Variants in SLC4A10 observed in about 807,000 individuals in gnomAD.
SLC4A10 encodes the protein solute carrier family 4 member 10, also known as sodium-driven chloride bicarbonate exchanger.
SLC4A10 carries 42 observed loss-of-function variants against 137.7 expected under a neutral mutation model. The observed-to-expected ratio is 0.30, with a 90% CI of 0.24 to 0.39. SLC4A10 has a LOEUF of 0.39. SLC4A10 is among the 10% of genes least tolerant of loss of function. The probability of loss-of-function intolerance (pLI) is 1.00; values close to 1 mark genes in which losing one functional copy is unlikely to be tolerated. For synonymous variants in SLC4A10, 474 were observed against 464.1 expected, an observed-to-expected ratio of 1.02 and a Z score of -0.27; for missense variants, 925 against 1,355.0, an observed-to-expected ratio of 0.68 and a Z score of 4.98.
intron 4 of SLC4A10, 28 bp from the exon 5 acceptor site, chr2:161,854,942 A>G (rs771055569): frequency 6.3e-7 from 1 of 1,596,050 alleles, no homozygotes; most frequent in Non-Finnish European, 8.5e-7. Context: ...TATAATATAA[A>G]CTGTGCTGAT....
intron 15 of SLC4A10, among the ~76,000 whole-genome samples, chr2:161,916,036 A>G (rs1223212631): frequency 6.6e-6 from 1 of 152,188 alleles, no homozygotes; most frequent in African/African-American, 2.4e-5. Context: ...GCCATCTGTA[A>G]GCTAAGAAGA....
chr2:161,820,339 G>A (rs989990671), intron 3 of SLC4A10, among the ~76,000 whole-genome samples: 5 of 152,120 alleles, frequency 3.3e-5, no homozygotes, highest in Non-Finnish European at 5.9e-5. Context: ...TATAAGACAA[G>A]CATTCACAAG....
At chr2:161,781,738 C>T (rs2053040529) in intron 2 of SLC4A10, among the ~76,000 whole-genome samples, 1 of 152,026 alleles carries the variant, frequency 6.6e-6, no homozygotes, top group East Asian at 1.9e-4. Context: ...ACCACAAACA[C>T]ACCAATTCAG....
intron 2 of SLC4A10, among the ~76,000 whole-genome samples, chr2:161,773,591 T>G (rs2051934591): frequency 6.6e-6 from 1 of 151,884 alleles, no homozygotes; most frequent in Non-Finnish European, 1.5e-5. Flanking sequence ...ATATATTTAT[T>G]TAATGAAATT....
intron 15 of SLC4A10, among the ~76,000 whole-genome samples, chr2:161,915,218 G>T (rs534294839): frequency 1.3e-5 from 2 of 152,208 alleles, no homozygotes; most frequent in South Asian, 4.2e-4. Context: ...CAGAGAAGCA[G>T]CTTGACTTCA....
intron 4 of SLC4A10, among the ~76,000 whole-genome samples, chr2:161,851,403 G>A (rs1166814969): frequency 6.6e-6 from 1 of 152,090 alleles, no homozygotes; most frequent in South Asian, 2.1e-4. Flanking sequence ...CCAGTATTGG[G>A]TGCATATATA....
chr2:161,663,915 C>T (rs568937849), intron 1 of SLC4A10, among the ~76,000 whole-genome samples: 5 of 151,994 alleles, frequency 3.3e-5, no homozygotes, highest in African/African-American at 1.2e-4. Flanking sequence ...TTCATAACTG[C>T]ATACATTTTT....
chr2:161,873,839 T>C (rs1203278583), intron 7 of SLC4A10, 77 bp from the exon 8 acceptor site: 1 of 1,407,756 alleles, frequency 7.1e-7, no homozygotes, highest in Non-Finnish European at 9.7e-7. Context: ...GTTACGTGCA[T>C]GCTCTCCCTC....
chr2:161,665,961 A>G (rs1284723822), intron 1 of SLC4A10, among the ~76,000 whole-genome samples: 1 of 148,420 alleles, frequency 6.7e-6, no homozygotes, highest in African/African-American at 2.4e-5. Context: ...ATATATAAAG[A>G]CTATATTAAT....
rs757242243 is a variant in SLC4A10 at position 161,855,113 on chromosome 2, C to A, written c.560C>A (p.Thr187Asn). 1 of 1,608,638 alleles carries A rather than the reference C, an allele frequency of 6.2e-7. No individual in the cohort carries two copies. The highest frequency in any genetic ancestry group is 2.2e-5 in the East Asian group (1 of 44,628). Residue 187 changes from threonine (T) to asparagine (N), a missense_variant, in exon 5 of 27, where the codon ACT becomes AAT. Physicochemically the swap from Thr to Asn is moderately conservative, Grantham distance 65 (BLOSUM62 0). This residue lies in a region of SLC4A10 where 277 missense variants were observed against 306.1 expected (regional missense o/e 0.90). Transcript: ENST00000446997. ...GTVLLDMHAN[T>N]LEEIADMVLD... ...GTGTTGCTGGACATGCATGCCAACA[C>A]TTTAGAAGAAATTGCAGGTATATCT...
chr2:161,927,385 C>A (rs1245223905), intron 15 of SLC4A10, among the ~76,000 whole-genome samples: 3 of 152,142 alleles, frequency 2.0e-5, no homozygotes, highest in Non-Finnish European at 4.4e-5. Flanking sequence ...TTACGTAGTT[C>A]TCAAGCCTTG....
intron 1 of SLC4A10, among the ~76,000 whole-genome samples, chr2:161,696,110 T>C (rs934636073): frequency 6.6e-6 from 1 of 150,552 alleles, no homozygotes; most frequent in Non-Finnish European, 1.5e-5. Context: ...CCCCTTCCTG[T>C]GTCCAAGTGT....
chr2:161,829,925 C>T (rs944592346), intron 3 of SLC4A10, among the ~76,000 whole-genome samples: 3 of 152,062 alleles, frequency 2.0e-5, no homozygotes, highest in Admixed American at 2.0e-4. Flanking sequence ...GAGACTTATT[C>T]ACTACCACGG....
intron 15 of SLC4A10, 56 bp from the exon 16 acceptor site, chr2:161,942,736 C>T (rs1387875912): frequency 1.6e-5 from 22 of 1,338,024 alleles, no homozygotes; most frequent in Admixed American, 5.9e-5. Context: ...CATTAGTCTT[C>T]GGTACAGTCA....
intron 2 of SLC4A10, among the ~76,000 whole-genome samples, chr2:161,788,022 G>A (rs2125515196): frequency 6.6e-6 from 1 of 152,148 alleles, no homozygotes; most frequent in East Asian, 1.9e-4. Flanking sequence ...CCCATGCGAA[G>A]GAGTTGTTGC....
intron 3 of SLC4A10, among the ~76,000 whole-genome samples, chr2:161,814,475 C>T (rs1030956589): frequency 2.0e-5 from 3 of 152,002 alleles, no homozygotes; most frequent in African/African-American, 4.8e-5. Context: ...CACATGGACA[C>T]GACTGTTAAT....
chr2:161,862,435 T>G (rs2060484626), intron 5 of SLC4A10, among the ~76,000 whole-genome samples: 1 of 152,208 alleles, frequency 6.6e-6, no homozygotes, highest in Non-Finnish European at 1.5e-5. Context: ...AAAATATAAG[T>G]ATAAAACCAA....
intron 6 of SLC4A10, among the ~76,000 whole-genome samples, chr2:161,869,775 G>A (rs577110835): frequency 5.5e-4 from 83 of 151,670 alleles, no homozygotes; most frequent in African/African-American, 1.8e-3. Flanking sequence ...GACTTTTGAT[G>A]TGATTAAATA....
At chr2:161,925,209 T>C (rs1376216629) in intron 15 of SLC4A10, among the ~76,000 whole-genome samples, 2 of 152,196 alleles carry the variant, frequency 1.3e-5, no homozygotes. Flanking sequence ...CTATTGATTA[T>C]TGTCACAATT....
Sources: allele counts gnomAD v4.1 joint callset (sites outside exome capture counted in the v4.1 genomes callset), GRCh38; gene constraint gnomAD v4.1.1; regional missense constraint gnomAD v4.1.1; transcripts MANE v1.5; gene names NCBI Gene and HGNC (gene_info 2026-07-23, HGNC 2026-07-21).